DGKB: variants seen among roughly 807,000 people sequenced by gnomAD.
DGKB encodes the protein diacylglycerol kinase beta.
DGKB carries 67 observed loss-of-function variants against 114.3 expected under a neutral mutation model. The ratio of observed to expected loss-of-function variants is 0.59; its 90% CI spans 0.48 to 0.72. The LOEUF (loss-of-function observed/expected upper bound fraction) is 0.72. Among genes scored for constraint, DGKB ranks in the 30% least tolerant of loss-of-function variants. The pLI is 0.00. For synonymous variants in DGKB, 398 were observed against 323.1 expected (o/e 1.23, Z -2.49); for missense variants, 907 against 975.2 (o/e 0.93, Z 0.93).
At chr7:14,928,454 G>T (rs970197395) in intron 1 of DGKB, among the ~76,000 whole-genome samples, 1 of 151,704 alleles carries the variant, frequency 6.6e-6, no homozygotes, top group Non-Finnish European at 1.5e-5. Flanking sequence ...TTATGTTACA[G>T]AATTTCTCTG....
At chr7:14,736,587 T>C (rs1410216801) in intron 4 of DGKB, among the ~76,000 whole-genome samples, 2 of 152,348 alleles carry the variant, frequency 1.3e-5, no homozygotes, top group East Asian at 3.9e-4. Flanking sequence ...TACAGAGTCA[T>C]ATAAACACAG....
intron 7 of DGKB, among the ~76,000 whole-genome samples, chr7:14,700,521 T>G (rs1824980412): frequency 6.6e-6 from 1 of 152,158 alleles, no homozygotes; most frequent in Non-Finnish European, 1.5e-5. Context: ...CAGCCAGCAT[T>G]TGAAAAATTA....
At chr7:14,813,461 C>A (rs942359950) in intron 2 of DGKB, among the ~76,000 whole-genome samples, 1 of 152,084 alleles carries the variant, frequency 6.6e-6, no homozygotes, top group African/African-American at 2.4e-5. Context: ...TGAGAGCCAC[C>A]AGAATTGATG....
At chr7:14,538,688 T>C (rs1269249071) in intron 20 of DGKB, among the ~76,000 whole-genome samples, 1 of 152,210 alleles carries the variant, frequency 6.6e-6, no homozygotes, top group African/African-American at 2.4e-5. Flanking sequence ...ACACCATGTT[T>C]ATTGCAGCAT....
chr7:14,518,138 A>T (rs949472223), intron 20 of DGKB, among the ~76,000 whole-genome samples: 1 of 152,188 alleles, frequency 6.6e-6, no homozygotes, highest in Non-Finnish European at 1.5e-5. Context: ...GCCATAAAAA[A>T]GAATGGGATT....
At chr7:14,319,619 G>A (rs1807346078) in intron 23 of DGKB, among the ~76,000 whole-genome samples, 1 of 152,086 alleles carries the variant, frequency 6.6e-6, no homozygotes, top group African/African-American at 2.4e-5. Context: ...CTAAAAGTTT[G>A]AGAACCAGTG....
At chr7:14,606,245 G>C (rs1329943156) in intron 17 of DGKB, among the ~76,000 whole-genome samples, 2 of 151,892 alleles carry the variant, frequency 1.3e-5, no homozygotes, top group Non-Finnish European at 2.9e-5. Flanking sequence ...AGCTCACTTA[G>C]CCAACAGTCT....
At chr7:14,767,171 T>C (rs1045950993) in intron 2 of DGKB, among the ~76,000 whole-genome samples, 4 of 151,506 alleles carry the variant, frequency 2.6e-5, no homozygotes, top group Non-Finnish European at 4.4e-5. Context: ...AGCATTCTAA[T>C]AGAAATTATT....
chr7:14,887,301 C>G (rs1051427541), intron 1 of DGKB, among the ~76,000 whole-genome samples: 9 of 151,820 alleles, frequency 5.9e-5, no homozygotes, highest in African/African-American at 2.2e-4. Flanking sequence ...ACAATTGACA[C>G]AGCTCTTTCT....
intron 21 of DGKB, among the ~76,000 whole-genome samples, chr7:14,387,404 T>C (rs1423016767): frequency 1.4e-4 from 11 of 76,236 alleles, no homozygotes; most frequent in African/African-American, 6.1e-4. Flanking sequence ...AGAGTGAGAC[T>C]CCATCTCAAA....
rs1487566716 is a variant in DGKB at position 14,817,250 on chromosome 7, C to T, written c.70+23944G>A. Among the ~76,000 whole-genome samples the T allele has an allele frequency of 2.0e-5, 3 of 152,134 alleles. No individual in the cohort carries two copies. The East Asian group carries it at 5.8e-4, about 29-fold the overall frequency. ...TGTTATTGAGATATTTTAGTTACTT[C>T]TTCCACTGAGAGTGCATCCCATTGT... is the stretch of plus-strand genomic sequence containing the variant. On this transcript the variant is annotated intron_variant, in intron 2 of 25. Transcript: ENST00000402815.
At chr7:14,580,055 G>A (rs559300222) in intron 19 of DGKB, among the ~76,000 whole-genome samples, 1 of 152,246 alleles carries the variant, frequency 6.6e-6, no homozygotes, top group South Asian at 2.1e-4. Context: ...GCCTATTAGT[G>A]ACTCTGCAAA....
intron 20 of DGKB, among the ~76,000 whole-genome samples, chr7:14,497,051 C>G (rs1443515251): frequency 6.6e-6 from 1 of 151,752 alleles, no homozygotes; most frequent in African/African-American, 2.4e-5. Context: ...TTGGATGGAA[C>G]TGCAGGCCAC....
intron 1 of DGKB, among the ~76,000 whole-genome samples, chr7:14,972,213 TC>T (rs1787510512): frequency 6.6e-6 from 1 of 152,082 alleles, no homozygotes; most frequent in Non-Finnish European, 1.5e-5. Context: ...GCTTAATGTA[TC>T]ATCATACTAT....
At chr7:14,732,812 T>C (rs1462772811) in intron 5 of DGKB, among the ~76,000 whole-genome samples, 2 of 152,190 alleles carry the variant, frequency 1.3e-5, no homozygotes, top group African/African-American at 2.4e-5. Context: ...TCTGGCATCT[T>C]CTATTCAGTA....
At chr7:14,745,294 A>G (rs1481445091) in intron 4 of DGKB, among the ~76,000 whole-genome samples, 1 of 152,232 alleles carries the variant, frequency 6.6e-6, no homozygotes, top group Non-Finnish European at 1.5e-5. Flanking sequence ...AGACCCTTAA[A>G]TAGGCTTTCG....
chr7:14,958,680 A>G (rs576302549), intron 1 of DGKB, among the ~76,000 whole-genome samples: 1 of 152,012 alleles, frequency 6.6e-6, no homozygotes, highest in Admixed American at 6.6e-5. Flanking sequence ...TGACTGCGGG[A>G]GTATTATGCA....
chr7:14,402,169 C>T (rs1203831312), intron 21 of DGKB, among the ~76,000 whole-genome samples: 1 of 151,648 alleles, frequency 6.6e-6, no homozygotes, highest in Non-Finnish European at 1.5e-5. Context: ...ATATATGACA[C>T]TCAATCCTTA....
rs552273263 is a variant in DGKB, at chr7:14,521,749, G to A, written c.1771-43524C>T. ...TAACAACATCTATGTTTTAACATCTGGGAAAATTCAGAAACTATTTATACT... is the reference window on the plus strand; with the variant it reads ...TAACAACATCTATGTTTTAACATCTAGGAAAATTCAGAAACTATTTATACT... On this transcript the variant is annotated intron_variant, in intron 20 of 25. Transcript: ENST00000402815. 5.9e-5 allele frequency among the ~76,000 whole-genome samples: 9 copies of A among 152,020 alleles called. No homozygotes were observed. The East Asian group carries it at 1.5e-3, about 26-fold the overall frequency.
Sources: allele counts gnomAD v4.1 joint callset (sites outside exome capture counted in the v4.1 genomes callset), GRCh38; gene constraint gnomAD v4.1.1; transcripts MANE v1.5; gene names NCBI Gene and HGNC (gene_info 2026-07-23, HGNC 2026-07-21).